Variants in CNTNAP2 observed in about 807,000 individuals in gnomAD.
The protein encoded by CNTNAP2 is contactin associated protein 2.
Under a neutral mutation model 155.2 loss-of-function variants are expected in CNTNAP2, and 98 were observed. That is an observed-to-expected ratio of 0.63 (90% CI 0.54 to 0.75). The LOEUF is 0.75. Ranked by LOEUF, CNTNAP2 falls within the 30% of genes least tolerant of loss-of-function variation. The pLI is 0.00. For missense variants in CNTNAP2, 1,727 were observed against 1,688.1 expected, an observed-to-expected ratio of 1.02 and a Z score of -0.40; for synonymous variants, 651 against 631.2, an observed-to-expected ratio of 1.03 and a Z score of -0.47.
intron 1 of CNTNAP2, among the ~76,000 whole-genome samples, chr7:146,277,723 G>A (rs1041489347): frequency 6.6e-6 from 1 of 152,126 alleles, no homozygotes; most frequent in South Asian, 2.1e-4. Flanking sequence ...ATAGAAAATT[G>A]CAATATAAAA....
Position 147,508,044 on chromosome 7 carries a change from T to G in CNTNAP2, c.1777+22003T>G, listed in dbSNP as rs187409720. 6.6e-5 allele frequency among the ~76,000 whole-genome samples: 10 copies of G among 152,272 alleles called. No homozygotes were observed. The East Asian group carries it at 1.7e-3, about 26-fold the overall frequency. ...TCAACATATGCACTTACCCTTACTG[T>G]CCCTAACCATGGCATCAATTTTCAT... On this transcript the variant is annotated intron_variant, in intron 11 of 23. Coordinates refer to ENST00000361727, the MANE Select transcript of CNTNAP2 (RefSeq NM_014141.6).
rs368052785 is a variant in CNTNAP2, at chr7:147,693,048, TTTAG to T, written c.2098+53754_2098+53757del. ...TCAAGGTGTATGTCTAGATTATTTA[TTTAG>T]TTAGTTAGTTATTTTGCTTGTGGAT... On this transcript the variant is annotated intron_variant, in intron 13 of 23. Transcript: ENST00000361727. Among the ~76,000 whole-genome samples, 1,037 of 152,132 alleles carry T rather than the reference TTTAG, an allele frequency of 6.8e-3. 12 individuals are homozygous for T. The highest frequency in any genetic ancestry group is 0.023 in the African/African-American group (969 of 41,534).
intron 18 of CNTNAP2, among the ~76,000 whole-genome samples, chr7:148,215,570 A>T (rs998405988): frequency 6.7e-6 from 1 of 148,274 alleles, no homozygotes; most frequent in African/African-American, 2.5e-5. Flanking sequence ...ACTTTCACAC[A>T]TGTGTGTGGT....
At chr7:148,261,471 T>C (rs145589370) in intron 20 of CNTNAP2, among the ~76,000 whole-genome samples, 1 of 152,332 alleles carries the variant, frequency 6.6e-6, no homozygotes, top group African/African-American at 2.4e-5. Context: ...TCTGTTGTTT[T>C]TCAAGTGCCT....
chr7:146,875,960 A>G (rs56669630), intron 3 of CNTNAP2, among the ~76,000 whole-genome samples: 1 of 113,886 alleles, frequency 8.8e-6, no homozygotes, highest in Non-Finnish European at 1.9e-5. Context: ...AAAAAAAAAA[A>G]ACAAAAAACA....
chr7:146,518,338 G>A (rs879679897), intron 1 of CNTNAP2, among the ~76,000 whole-genome samples: 11 of 151,472 alleles, frequency 7.3e-5, no homozygotes, highest in Admixed American at 2.0e-4. Flanking sequence ...ATTAAACTCC[G>A]AAGAATAAGA....
At chr7:146,615,174 A>C (rs903048774) in intron 1 of CNTNAP2, among the ~76,000 whole-genome samples, 1 of 152,186 alleles carries the variant, frequency 6.6e-6, no homozygotes, top group African/African-American at 2.4e-5. Flanking sequence ...TGTGCTATTA[A>C]TATTTTCTCT....
intron 1 of CNTNAP2, among the ~76,000 whole-genome samples, chr7:146,399,499 T>A (rs1169081757): frequency 6.6e-6 from 1 of 152,198 alleles, no homozygotes; most frequent in Non-Finnish European, 1.5e-5. Flanking sequence ...GCAGATGACA[T>A]AATTTACTTC....
chr7:146,199,638 G>A (rs1798828143), intron 1 of CNTNAP2, among the ~76,000 whole-genome samples: 1 of 152,088 alleles, frequency 6.6e-6, no homozygotes, highest in Non-Finnish European at 1.5e-5. Context: ...ATAATTTACT[G>A]TGGCCATAAA....
At chr7:146,524,799 C>T (rs752781944) in intron 1 of CNTNAP2, among the ~76,000 whole-genome samples, 1 of 152,060 alleles carries the variant, frequency 6.6e-6, no homozygotes, top group Non-Finnish European at 1.5e-5. Flanking sequence ...TAAACCATAG[C>T]AAATCACATG....
intron 13 of CNTNAP2, among the ~76,000 whole-genome samples, chr7:147,751,059 A>T (rs1289075839): frequency 6.6e-6 from 1 of 150,938 alleles, no homozygotes; most frequent in Admixed American, 6.7e-5. Context: ...AAATAAAAAT[A>T]ATAATAATAA....
intron 2 of CNTNAP2, among the ~76,000 whole-genome samples, chr7:146,835,980 G>A (rs1351938328): frequency 6.6e-6 from 1 of 152,046 alleles, no homozygotes; most frequent in Non-Finnish European, 1.5e-5. Flanking sequence ...CCCCATGAAG[G>A]TATACCATCT....
chr7:146,908,915 TAAAG>T (rs1338563110), intron 3 of CNTNAP2, among the ~76,000 whole-genome samples: 3 of 146,666 alleles, frequency 2.0e-5, no homozygotes, highest in Non-Finnish European at 3.0e-5. Flanking sequence ...GCAAGACTAA[TAAAG>T]AAAAAAAGAG....
intron 21 of CNTNAP2, among the ~76,000 whole-genome samples, chr7:148,307,399 T>A (rs1797508390): frequency 6.6e-6 from 1 of 152,202 alleles, no homozygotes; most frequent in Non-Finnish European, 1.5e-5. Context: ...TGGGCGGCTT[T>A]GCAGTGCCAA....
chr7:147,007,307 T>C (rs930628999), intron 3 of CNTNAP2, among the ~76,000 whole-genome samples: 6 of 152,232 alleles, frequency 3.9e-5, no homozygotes, highest in African/African-American at 1.4e-4. Context: ...CTGATTGCTC[T>C]AACCACAGAG....
At chr7:147,901,575 T>G (rs953769970) in intron 13 of CNTNAP2, among the ~76,000 whole-genome samples, 1 of 152,228 alleles carries the variant, frequency 6.6e-6, no homozygotes. Flanking sequence ...AATAGAAGTT[T>G]ACCTTTCTGT....
chr7:146,974,227 C>T (rs567125849), intron 3 of CNTNAP2, among the ~76,000 whole-genome samples: 113 of 152,044 alleles, frequency 7.4e-4, no homozygotes, highest in Non-Finnish European at 1.5e-3. Context: ...GGGTGGATTA[C>T]CTGAGGTCAG....
At chr7:147,146,762 A>G (rs17170334) in intron 8 of CNTNAP2, 1 of 152,228 alleles carries the variant, frequency 6.6e-6, no homozygotes, top group Admixed American at 6.5e-5. Flanking sequence ...GGAAACAATT[A>G]AAATGTATGC....
intron 1 of CNTNAP2, among the ~76,000 whole-genome samples, chr7:146,360,921 A>G (rs1014292817): frequency 2.0e-5 from 3 of 152,194 alleles, no homozygotes; most frequent in Non-Finnish European, 4.4e-5. Context: ...AGTGATACTG[A>G]GGTAACTCAA....
Sources: allele counts gnomAD v4.1 joint callset (sites outside exome capture counted in the v4.1 genomes callset), GRCh38; gene constraint gnomAD v4.1.1; transcripts MANE v1.5; gene names NCBI Gene and HGNC (gene_info 2026-07-23, HGNC 2026-07-21).